The following BLACAT1 variants were observed in gnomAD, a reference collection of about 807,000 sequenced individuals.
The protein encoded by BLACAT1 is BLACAT1 overlapping LEMD1 locus.
chr1:205,436,142 G>C (rs985981416), downstream of BLACAT1: 1 of 152,418 alleles, frequency 6.6e-6, no homozygotes. Flanking sequence ...GATGGAACAC[G>C]GGAATGAGCT....
downstream of BLACAT1, chr1:205,436,602 G>A (rs1436743434): frequency 6.6e-6 from 1 of 152,100 alleles, no homozygotes; most frequent in African/African-American, 2.4e-5. Context: ...TTGGGAGCAG[G>A]GTGATGATGG....
At chr1:205,437,788 C>T (rs1346764128), downstream of BLACAT1, 1 of 152,190 alleles carries the variant, frequency 6.6e-6, no homozygotes, top group Non-Finnish European at 1.5e-5. Context: ...AGAAATAAGA[C>T]ATGACTAGTC....
intron 1 of BLACAT1, among the ~76,000 whole-genome samples, chr1:205,446,992 T>C (rs1666401348): frequency 6.6e-6 from 1 of 152,110 alleles, no homozygotes; most frequent in Non-Finnish European, 1.5e-5. Context: ...GTGATTGGAG[T>C]TGGGCCACGG....
chr1:205,451,342 C>T (rs541298154), intron 1 of BLACAT1, among the ~76,000 whole-genome samples: 2 of 152,332 alleles, frequency 1.3e-5, no homozygotes, highest in African/African-American at 4.8e-5. Flanking sequence ...AGTTTCCACC[C>T]CTCCCTAGCC....
chr1:205,441,932 T>C lies in BLACAT1; in HGVS notation c.-36-870A>G, dbSNP rs1666299961. Among the ~76,000 whole-genome samples, 1 of 152,198 alleles carries C rather than the reference T, an allele frequency of 6.6e-6. No homozygotes were observed. Among genetic ancestry groups the C allele is most frequent in the Non-Finnish European group, 1.5e-5 (1 of 68,028 alleles). ...GCTCTGGTATCTGTTGCAGTCTGGC[T>C]GGGGAAGAGAGGGAGCTTCAGGAGC... is the stretch of plus-strand genomic sequence containing the variant. On this transcript the variant is annotated intron_variant, in intron 1 of 1. Transcript: ENST00000629624. This position sits in a 1 kb window ranked among gnomAD's most constrained non-coding sequence, Gnocchi z 4.3.
At chr1:205,452,907 T>C (rs530445678) in intron 1 of BLACAT1, among the ~76,000 whole-genome samples, 6 of 152,238 alleles carry the variant, frequency 3.9e-5, no homozygotes, top group African/African-American at 1.4e-4. Flanking sequence ...AATGAATGAA[T>C]GGCTGATAAA....
At position 205,441,088 on chromosome 1, in the gene BLACAT1, AG is replaced by A; in HGVS notation, c.-36-27del. The A allele has an allele frequency of 6.5e-6, 1 of 152,900 alleles. No homozygotes were observed. The highest frequency in any genetic ancestry group is 1.5e-5 in the Non-Finnish European group (1 of 68,400). 9.5% of individuals were successfully genotyped at this position (152,900 alleles called of 1,614,324 possible). A position where few individuals can be genotyped will look rare whatever the true frequency, so the allele number is the denominator to read the frequency against. Reference sequence around the variant, plus strand: ...CTGCAGGGAAAGGCAGGGGAGGGAGAGGGGGCAGGAGAAAGGCAGGAAGAGA... The same window carrying A: ...CTGCAGGGAAAGGCAGGGGAGGGAGAGGGGCAGGAGAAAGGCAGGAAGAGA... On this transcript the variant is annotated intron_variant, in intron 1 of 1. Transcript: ENST00000629624. This position sits in a 1 kb window ranked among gnomAD's most constrained non-coding sequence, Gnocchi z 4.3.
Position 205,450,915 on chromosome 1 carries a change from G to A in BLACAT1, c.-37+5002C>T, listed in dbSNP as rs758870479. ...GGAAAACCCTGCTTCCTCCAATCCC[G>A]AGAACCTGGGCAGTGAAAGGCCACT... On this transcript the variant is annotated intron_variant, in intron 1 of 1. Coordinates refer to ENST00000629624, the Ensembl canonical transcript of BLACAT1. This position sits in a 1 kb window ranked among gnomAD's most constrained non-coding sequence, Gnocchi z 4.4. Among the ~76,000 whole-genome samples the A allele has an allele frequency of 1.3e-5, 2 of 152,148 alleles. No homozygotes were observed. Among genetic ancestry groups the A allele is most frequent in the African/African-American group, 2.4e-5 (1 of 41,420 alleles).
At chr1:205,439,523 G>A (rs1666259019), downstream of BLACAT1, among the ~76,000 whole-genome samples, 1 of 152,198 alleles carries the variant, frequency 6.6e-6, no homozygotes, top group African/African-American at 2.4e-5. Context: ...GGTTTTGGGC[G>A]AACCAGCCGA....
Position 205,441,099 on chromosome 1 carries a change from G to A in BLACAT1, c.-36-37C>T. ...GGCAGGGGAGGGAGAGGGGGCAGGA[G>A]AAAGGCAGGAAGAGAGAAGCAAGCT... On this transcript the variant is annotated intron_variant, in intron 1 of 1. Coordinates refer to ENST00000629624, the Ensembl canonical transcript of BLACAT1. The surrounding 1 kb of genome is among the most constrained non-coding windows in gnomAD (Gnocchi z 4.3). The A allele has an allele frequency of 6.5e-6, 1 of 153,040 alleles. No homozygotes were observed. The highest frequency in any genetic ancestry group is 1.5e-5 in the Non-Finnish European group (1 of 68,432). The allele number at this position is 153,040 out of a possible 1,614,324, so 9.5% of individuals were successfully genotyped here.
At chr1:205,451,823 A>G (rs1666500976) in intron 1 of BLACAT1, among the ~76,000 whole-genome samples, 1 of 152,026 alleles carries the variant, frequency 6.6e-6, no homozygotes, top group African/African-American at 2.4e-5. Flanking sequence ...ACAAATATTT[A>G]TTATTATTAT....
In BLACAT1 at chr1:205,453,006, AAG is replaced by A. The variant is rs376464350; in HGVS notation, c.-37+2909_-37+2910del. On this transcript the variant is annotated intron_variant, in intron 1 of 1. Coordinates refer to ENST00000629624, the Ensembl canonical transcript of BLACAT1. ...CTCCCTTATGCCTGTCCCCTCAGGG[AAG>A]AGAGTCCCTGGGCTGGAACAGGTTA... 1.3e-3 allele frequency among the ~76,000 whole-genome samples: 195 copies of A among 152,174 alleles called. 3 individuals carry two copies. In the East Asian group the frequency reaches 0.033, roughly 26 times the overall value.
chr1:205,455,509 C>G (rs1432668257), intron 1 of BLACAT1, among the ~76,000 whole-genome samples: 3 of 152,150 alleles, frequency 2.0e-5, no homozygotes, highest in African/African-American at 7.2e-5. Context: ...GCCCCTTCCT[C>G]ATACCACTCC....
chr1:205,447,601 G>A (rs1666422563), intron 1 of BLACAT1, among the ~76,000 whole-genome samples: 1 of 151,976 alleles, frequency 6.6e-6, no homozygotes, highest in Non-Finnish European at 1.5e-5. Flanking sequence ...ATGTGGGAGT[G>A]GCGACAGGCA....
At chr1:205,440,934 C>T (rs1479125703) in exon 2 of BLACAT1, 4 of 152,334 alleles carry the variant, frequency 2.6e-5, no homozygotes, top group Non-Finnish European at 5.9e-5. Flanking sequence ...ATCACACCGC[C>T]GTCTCCCGCT....
At chr1:205,453,416 A>C (rs1184222879) in intron 1 of BLACAT1, among the ~76,000 whole-genome samples, 3 of 152,142 alleles carry the variant, frequency 2.0e-5, no homozygotes, top group Non-Finnish European at 4.4e-5. Flanking sequence ...CTCATTTAAC[A>C]GCTTGGGAGC....
At position 205,448,559 on chromosome 1, in the gene BLACAT1, T is replaced by C. The variant is rs188326018; in HGVS notation, c.-37+7358A>G. Among the ~76,000 whole-genome samples the C allele has an allele frequency of 7.7e-4, 116 of 151,270 alleles. No individual in the cohort carries two copies. Among genetic ancestry groups the C allele is most frequent in the African/African-American group, 2.7e-3 (111 of 41,394 alleles). ...AATTCTCTCACCATCTTCCACCACCTGCACTAAAGCCATCCCAGTAATGAG... is the reference window on the plus strand; with the variant it reads ...AATTCTCTCACCATCTTCCACCACCCGCACTAAAGCCATCCCAGTAATGAG... On this transcript the variant is annotated intron_variant, in intron 1 of 1. Coordinates refer to ENST00000629624, the Ensembl canonical transcript of BLACAT1. This position sits in a 1 kb window ranked among gnomAD's most constrained non-coding sequence, Gnocchi z 4.7.
In BLACAT1 at chr1:205,450,547, T is replaced by TA. The variant is rs1443692817; in HGVS notation, c.-37+5369dup. On this transcript the variant is annotated intron_variant, in intron 1 of 1. Coordinates refer to ENST00000629624, the Ensembl canonical transcript of BLACAT1. The surrounding 1 kb of genome is among the most constrained non-coding windows in gnomAD (Gnocchi z 4.4). ...GCCCTGGGAGGACAAGGTCAGCACT[T>TA]ATCTGTCCTTCCATTTCCTTTCTCA... Among the ~76,000 whole-genome samples, 2 of 151,044 alleles carry TA rather than the reference T, an allele frequency of 1.3e-5. No homozygotes were observed. Among genetic ancestry groups the TA allele is most frequent in the African/African-American group, 4.9e-5 (2 of 41,056 alleles).
chr1:205,447,635 G>C (rs1342157510), intron 1 of BLACAT1, among the ~76,000 whole-genome samples: 1 of 151,960 alleles, frequency 6.6e-6, no homozygotes, highest in African/African-American at 2.4e-5. Flanking sequence ...GGCAAGCTGA[G>C]TGACAAGCAG....
Sources: allele counts gnomAD v4.1 joint callset (sites outside exome capture counted in the v4.1 genomes callset), GRCh38; gene constraint gnomAD v4.1.1; non-coding constraint Gnocchi (gnomAD v3.1); transcripts MANE v1.5; gene names NCBI Gene and HGNC (gene_info 2026-07-23, HGNC 2026-07-21).